The following PRR16 variants were observed in gnomAD, a reference collection of about 807,000 sequenced individuals.
PRR16 encodes proline rich 16.
A neutral mutation model predicts 18.2 loss-of-function variants in PRR16; 6 were observed. The ratio of observed to expected loss-of-function variants is 0.33; its 90% CI spans 0.18 to 0.65. The LOEUF is 0.65. PRR16 is among the 30% of genes least tolerant of loss of function. The pLI, the probability that PRR16 is intolerant of heterozygous loss-of-function variation, is 0.74. For synonymous variants in PRR16, 151 were observed against 147.8 expected, an observed-to-expected ratio of 1.02 and a Z score of -0.16; for missense variants, 412 against 376.6, an observed-to-expected ratio of 1.09 and a Z score of -0.78.
chr5:120,746,671 A>G, the PRR16 span, among the ~76,000 whole-genome samples: 66 of 152,158 alleles, frequency 4.3e-4, no homozygotes, highest in African/African-American at 1.6e-3. Context: ...TTTGTTTTCA[A>G]TTTGTCTGGG....
chr5:120,476,936 C>T (rs1243570886), intron 1 of PRR16, among the ~76,000 whole-genome samples: 4 of 152,248 alleles, frequency 2.6e-5, no homozygotes, highest in East Asian at 1.9e-4. Flanking sequence ...GCCTCTATCA[C>T]GGTTGTCAGT....
intron 1 of PRR16, among the ~76,000 whole-genome samples, chr5:120,594,773 G>T (rs561097091): frequency 5.1e-4 from 77 of 152,140 alleles, no homozygotes; most frequent in African/African-American, 1.7e-3. Flanking sequence ...TAGACCAATG[G>T]AACAGAATAG....
chr5:120,632,045 G>A (rs568070251), intron 1 of PRR16, among the ~76,000 whole-genome samples: 14 of 152,256 alleles, frequency 9.2e-5, no homozygotes, highest in South Asian at 4.1e-4. Context: ...ACCTGAAGAC[G>A]GATCACATCA....
intron 1 of PRR16, among the ~76,000 whole-genome samples, chr5:120,624,486 G>A (rs1044368668): frequency 4.6e-5 from 7 of 152,090 alleles, no homozygotes; most frequent in African/African-American, 1.7e-4. Context: ...AGATAGCATA[G>A]CATAGTGGTG....
chr5:120,520,919 A>G (rs918258230), intron 1 of PRR16, among the ~76,000 whole-genome samples: 1 of 151,870 alleles, frequency 6.6e-6, no homozygotes, highest in African/African-American at 2.4e-5. Flanking sequence ...TTTTATACAC[A>G]GCATCATAGG....
the PRR16 span, among the ~76,000 whole-genome samples, chr5:120,706,702 A>C: frequency 6.6e-6 from 1 of 152,152 alleles, no homozygotes; most frequent in African/African-American, 2.4e-5. Flanking sequence ...ACTCTTGTCA[A>C]ATAAAAATTG....
intron 1 of PRR16, among the ~76,000 whole-genome samples, chr5:120,602,591 C>G (rs1412149478): frequency 6.6e-6 from 1 of 151,976 alleles, no homozygotes; most frequent in African/African-American, 2.4e-5. Flanking sequence ...GCTAGGCCTT[C>G]CTGTATTATG....
At chr5:120,717,141 G>A in the PRR16 span, among the ~76,000 whole-genome samples, 1 of 152,096 alleles carries the variant, frequency 6.6e-6, no homozygotes, top group African/African-American at 2.4e-5. Context: ...ACTAAAAAAT[G>A]TTTTTCTACA....
chr5:120,501,955 C>CCA (rs1554078755), intron 1 of PRR16, among the ~76,000 whole-genome samples: 1 of 44,076 alleles, frequency 2.3e-5, no homozygotes, highest in African/African-American at 7.0e-5. Flanking sequence ...TACTCCGTCT[C>CCA]AAAAAAAAAA....
At chr5:120,599,345 A>G (rs1462278461) in intron 1 of PRR16, among the ~76,000 whole-genome samples, 2 of 151,884 alleles carry the variant, frequency 1.3e-5, no homozygotes, top group East Asian at 1.9e-4. Flanking sequence ...AAAAATTTCT[A>G]TTACTGTGGT....
rs746514015 is a variant in PRR16, at chr5:120,597,866, A to G, written c.160-88088A>G. 2.4e-4 allele frequency among the ~76,000 whole-genome samples: 36 copies of G among 151,784 alleles called. 1 individual carries two copies. The highest frequency in any genetic ancestry group is 1.5e-5 in the Non-Finnish European group (1 of 67,838). On this transcript the variant is annotated intron_variant, in intron 1 of 1. Transcript: ENST00000407149. ...TTTGAAATGTAAGATCAACTTGTCA[A>G]TTTTTGTAAAATATTCCTTTAGAAT...
chr5:120,724,813 T>A, the PRR16 span, among the ~76,000 whole-genome samples: 26 of 152,060 alleles, frequency 1.7e-4, no homozygotes, highest in Middle Eastern at 3.4e-3. Context: ...ATCAAATACA[T>A]AGGAAGAGTC....
At chr5:120,570,566 A>AT (rs1752874824) in intron 1 of PRR16, among the ~76,000 whole-genome samples, 1 of 152,166 alleles carries the variant, frequency 6.6e-6, no homozygotes. Context: ...GCCAAGTAAA[A>AT]TTCTCATACA....
At chr5:120,624,445 T>C (rs1754795748) in intron 1 of PRR16, among the ~76,000 whole-genome samples, 2 of 152,126 alleles carry the variant, frequency 1.3e-5, no homozygotes, top group African/African-American at 4.8e-5. Context: ...TAATATATTT[T>C]GCTTCAGTAA....
At chr5:120,467,092 T>C in intron 1 of PRR16, among the ~76,000 whole-genome samples, 1 of 152,168 alleles carries the variant, frequency 6.6e-6, no homozygotes, top group East Asian at 1.9e-4. Flanking sequence ...CATATGTGAG[T>C]GAACATGTCT....
intron 1 of PRR16, among the ~76,000 whole-genome samples, chr5:120,594,400 C>G (rs1458233927): frequency 2.0e-5 from 3 of 151,926 alleles, no homozygotes; most frequent in Non-Finnish European, 4.4e-5. Flanking sequence ...AGGAATACAG[C>G]TAATCAAGGT....
the PRR16 span, among the ~76,000 whole-genome samples, chr5:120,702,269 G>A: frequency 3.5e-4 from 9 of 26,062 alleles, no homozygotes; most frequent in East Asian, 6.8e-3. Context: ...GAAATAAGGG[G>A]TCGGGGCATG....
chr5:120,781,142 T>A, the PRR16 span: 1 of 151,454 alleles, frequency 6.6e-6, no homozygotes. Context: ...AATTGACAAT[T>A]TTTTTTTCAA....
intron 1 of PRR16, among the ~76,000 whole-genome samples, chr5:120,470,162 C>G (rs1702384511): frequency 6.6e-6 from 1 of 151,990 alleles, no homozygotes; most frequent in Non-Finnish European, 1.5e-5. Context: ...ATTTCAGGGG[C>G]AATTTTAGAG....
Sources: gnomAD v4.1 joint callset for allele counts (sites outside exome capture counted in the v4.1 genomes callset) on GRCh38, gnomAD v4.1.1 for gene constraint, MANE v1.5 for transcripts, NCBI Gene and HGNC (gene_info 2026-07-23, HGNC 2026-07-21) for gene names.